The following PCDH11X variants were observed in gnomAD, a reference collection of about 807,000 sequenced individuals.
PCDH11X encodes the protein protocadherin 11 X-linked, also known as protocadherin-11 X-linked.
In PCDH11X, 18 loss-of-function variants were observed where a neutral mutation model predicts 53.3. That is an observed-to-expected ratio of 0.34 (90% CI 0.23 to 0.50). The LOEUF (loss-of-function observed/expected upper bound fraction) is 0.50. PCDH11X is among the 20% of genes least tolerant of loss of function. The pLI is 0.98. For synonymous variants in PCDH11X, 279 were observed against 393.3 expected, an observed-to-expected ratio of 0.71 and a Z score of 3.44; for missense variants, 570 against 1,032.4, an observed-to-expected ratio of 0.55 and a Z score of 6.14.
At chrX:91,912,896 G>T in intron 6 of PCDH11X, among the ~76,000 whole-genome samples, 1 of 112,192 alleles carries the variant, frequency 8.9e-6, no homozygotes, top group Admixed American at 9.4e-5. Flanking sequence ...GAGGGCGAAA[G>T]GAAAACCTAC....
chrX:91,978,430 T>C (rs2571907), intron 6 of PCDH11X, among the ~76,000 whole-genome samples: 9,603 of 96,888 alleles, frequency 0.099, 751 homozygotes, highest in East Asian at 0.15. Context: ...CATTGTAACA[T>C]TTACCATAAT....
chrX:92,342,391 C>A (rs2148516665), intron 8 of PCDH11X, among the ~76,000 whole-genome samples: 1 of 110,964 alleles, frequency 9.0e-6, no homozygotes, highest in South Asian at 3.9e-4. Context: ...ACCAAAAAGA[C>A]ACATGCACTC....
intron 10 of PCDH11X, among the ~76,000 whole-genome samples, chrX:92,537,947 G>GT (rs2074695627): frequency 1.9e-5 from 2 of 103,964 alleles, no homozygotes; most frequent in Non-Finnish European, 3.9e-5. Flanking sequence ...GCAAACAAAG[G>GT]TAATTTGAAT....
intron 6 of PCDH11X, among the ~76,000 whole-genome samples, chrX:92,196,344 A>T (rs1275993573): frequency 1.8e-5 from 2 of 111,972 alleles, no homozygotes; most frequent in Non-Finnish European, 3.8e-5. Flanking sequence ...AATAAATATG[A>T]TTCATACCAG....
chrX:92,007,672 G>A (rs1300764718), intron 6 of PCDH11X, among the ~76,000 whole-genome samples: 2 of 111,536 alleles, frequency 1.8e-5, no homozygotes, highest in Admixed American at 9.5e-5. Flanking sequence ...TCAGATGCAA[G>A]ACAAAGTCCC....
chrX:92,438,427 C>A (rs1287054640), intron 9 of PCDH11X, among the ~76,000 whole-genome samples: 6 of 110,716 alleles, frequency 5.4e-5, no homozygotes, highest in African/African-American at 2.0e-4. Flanking sequence ...TCAGGATATT[C>A]TACTCCAAAA....
At chrX:92,353,856 A>C (rs1315678308) in intron 8 of PCDH11X, among the ~76,000 whole-genome samples, 1 of 109,389 alleles carries the variant, frequency 9.1e-6, no homozygotes, top group Non-Finnish European at 1.9e-5. Flanking sequence ...CCTTGAGTCA[A>C]ATTTTTTAAC....
At chrX:91,832,722 C>T (rs1043427898) in intron 4 of PCDH11X, among the ~76,000 whole-genome samples, 3 of 111,101 alleles carry the variant, frequency 2.7e-5, no homozygotes, top group Non-Finnish European at 5.7e-5. Context: ...AACTAGATCG[C>T]TCTATTAATT....
intron 9 of PCDH11X, among the ~76,000 whole-genome samples, chrX:92,403,342 T>TTG (rs2071433992): frequency 1.1e-5 from 1 of 90,294 alleles, no homozygotes; most frequent in Admixed American, 1.3e-4. Flanking sequence ...TTTTTTTGTT[T>TTG]TTTTTTTTTT....
At chrX:92,038,382 G>A (rs1182814801) in intron 6 of PCDH11X, among the ~76,000 whole-genome samples, 3 of 110,480 alleles carry the variant, frequency 2.7e-5, no homozygotes, top group African/African-American at 1.0e-4. Context: ...CTCCAGCCAT[G>A]GCTGAAAAGG....
At chrX:92,386,414 G>A (rs1173722987) in intron 8 of PCDH11X, among the ~76,000 whole-genome samples, 2 of 109,719 alleles carry the variant, frequency 1.8e-5, no homozygotes. Flanking sequence ...AAGCTTTCAT[G>A]CTGCCAGTAG....
At chrX:92,329,493 A>G (rs1183073621) in intron 8 of PCDH11X, among the ~76,000 whole-genome samples, 1 of 111,872 alleles carries the variant, frequency 8.9e-6, no homozygotes, top group Non-Finnish European at 1.9e-5. Context: ...TTCAAAAGAA[A>G]GAAATGAGTA....
At chrX:92,486,210 A>AT (rs1357543187) in intron 10 of PCDH11X, among the ~76,000 whole-genome samples, 1 of 111,329 alleles carries the variant, frequency 9.0e-6, no homozygotes, top group South Asian at 3.7e-4. Flanking sequence ...AAAGTTGTAA[A>AT]TTTTTTACAA....
At chrX:92,415,965 A>T (rs1300123195) in intron 9 of PCDH11X, among the ~76,000 whole-genome samples, 3 of 111,805 alleles carry the variant, frequency 2.7e-5, no homozygotes, top group Non-Finnish European at 5.7e-5. Flanking sequence ...ACTTTGTATG[A>T]TTGGAAAAAT....
chrX:92,461,262 C>A (rs2073038177), intron 9 of PCDH11X, among the ~76,000 whole-genome samples: 1 of 108,620 alleles, frequency 9.2e-6, no homozygotes, highest in Admixed American at 9.9e-5. Flanking sequence ...CTATGCTAAG[C>A]AAAAATAACT....
intron 6 of PCDH11X, among the ~76,000 whole-genome samples, chrX:92,055,820 C>G (rs551720268): frequency 5.4e-5 from 6 of 110,759 alleles, no homozygotes; most frequent in African/African-American, 2.0e-4. Flanking sequence ...GTTTTCTGTT[C>G]GTTTGTTAGT....
At chrX:92,321,516 C>T (rs2069209316) in intron 8 of PCDH11X, among the ~76,000 whole-genome samples, 1 of 111,357 alleles carries the variant, frequency 9.0e-6, no homozygotes, top group South Asian at 3.8e-4. Flanking sequence ...TTTAATATTG[C>T]TTATCTCATG....
At chrX:92,267,647 A>G (rs2067862753) in intron 8 of PCDH11X, among the ~76,000 whole-genome samples, 2 of 112,662 alleles carry the variant, frequency 1.8e-5, no homozygotes, top group African/African-American at 6.4e-5. Context: ...TTCCTGCTTC[A>G]GAAATTCTCC....
intron 6 of PCDH11X, among the ~76,000 whole-genome samples, chrX:92,013,370 A>G (rs2062727269): frequency 9.0e-6 from 1 of 111,640 alleles, no homozygotes; most frequent in Admixed American, 9.5e-5. Context: ...CCACTGCTCA[A>G]TGAAATAAAA....
Sources: gnomAD v4.1 joint callset for allele counts (sites outside exome capture counted in the v4.1 genomes callset) on GRCh38, gnomAD v4.1.1 for gene constraint, MANE v1.5 for transcripts, NCBI Gene and HGNC (gene_info 2026-07-23, HGNC 2026-07-21) for gene names.